TNXB: variants seen among roughly 807,000 people sequenced by gnomAD.
TNXB encodes the protein tenascin XB, also known as tenascin-X.
Under a neutral mutation model 340.5 loss-of-function variants are expected in TNXB, and 183 were observed. That is an observed-to-expected ratio of 0.54 (90% CI 0.48 to 0.61). The LOEUF (loss-of-function observed/expected upper bound fraction) is 0.61. Ranked by LOEUF, TNXB falls within the 20% of genes least tolerant of loss-of-function variation. The pLI, the probability that TNXB is intolerant of heterozygous loss-of-function variation, is 0.00. For synonymous variants in TNXB, 2,121 were observed against 2,314.5 expected, an observed-to-expected ratio of 0.92 and a Z score of 2.40; for missense variants, 4,613 against 5,446.4, an observed-to-expected ratio of 0.85 and a Z score of 4.82.
Position 32,049,668 on chromosome 6 carries a change from A to G in TNXB, c.9440-81T>C, listed in dbSNP as rs1342528903. 2 of 1,475,884 alleles carry G rather than the reference A, an allele frequency of 1.4e-6. No individual in the cohort carries two copies. The highest frequency in any genetic ancestry group is 1.8e-6 in the Non-Finnish European group (2 of 1,093,800). 91.4% of individuals were successfully genotyped at this position (1,475,884 alleles called of 1,614,324 possible). A position where few individuals can be genotyped will look rare whatever the true frequency, so the allele number is the denominator to read the frequency against. On this transcript the variant is annotated intron_variant, in intron 27 of 43. Transcript: ENST00000644971. This position sits in a 1 kb window ranked among gnomAD's most constrained non-coding sequence, Gnocchi z 4.5. ...AAAGGAGGGAGAAGCCAAGGCTATG[A>G]CTGGGGGACCTGAGGTCATTTCAGA...
intron 4 of TNXB, 53 bp downstream of exon 4, chr6:32,095,023 G>T: frequency 1.4e-6 from 2 of 1,435,152 alleles, no homozygotes; most frequent in Non-Finnish European, 1.9e-6. Flanking sequence ...GGTGAGCCCT[G>T]CCCCCCTGTC....
Position 32,088,920 on chromosome 6 carries a change from C to G in TNXB, c.2644G>C (p.Val882Leu). The G allele has an allele frequency of 1.9e-6, 3 of 1,601,050 alleles. No homozygotes were observed. The highest frequency in any genetic ancestry group is 2.6e-6 in the Non-Finnish European group (3 of 1,174,140). ...GCTTCAGGGGGCACTTCCAGCCTCACCCTCTGGTTGCCGGCACTGACGTAG... is the reference window on the plus strand; with the variant it reads ...GCTTCAGGGGGCACTTCCAGCCTCAGCCTCTGGTTGCCGGCACTGACGTAG... The part of the protein sequence containing the change: ...VSYVSAGNQR[V>L]RLEVPPEADG... The change falls in exon 6 of 44, where the codon GTG becomes CTG. Residue 882 changes from valine (V) to leucine (L), a missense_variant. This residue lies in a region of TNXB where 4,327 missense variants were observed against 4,859.4 expected (regional missense o/e 0.89). Transcript: ENST00000644971.
At position 32,052,473 on chromosome 6, in the gene TNXB, G is replaced by GA. The variant is rs772607059; in HGVS notation, c.9115+196dup. Among the ~76,000 whole-genome samples, 40 of 151,460 alleles carry GA rather than the reference G, an allele frequency of 2.6e-4. No individual in the cohort carries two copies. The highest frequency in any genetic ancestry group is 5.3e-4 in the Non-Finnish European group (36 of 67,834). On this transcript the variant is annotated intron_variant, in intron 26 of 43. Transcript: ENST00000644971. This position sits in a 1 kb window ranked among gnomAD's most constrained non-coding sequence, Gnocchi z 4.7. ...CTCAAAAAAAAAAAAAAGAAAGAAA[G>GA]AAAAAGAAAGAAATGCATGGTCTCT...
intron 29 of TNXB, 93 bp downstream of exon 29, chr6:32,048,270 G>T: frequency 7.4e-7 from 1 of 1,342,662 alleles, no homozygotes; most frequent in Non-Finnish European, 1.0e-6. Flanking sequence ...TGGGTGCTGA[G>T]GACTGGAGTG....
rs571092447 is a variant in TNXB, at chr6:32,086,152, T to C, written c.2780-34A>G. ...GGGCAGGGTGAGAAAAAGAGGAGAG[T>C]CCAGTATGAGAACTAGAAAGGAATC... On this transcript the variant is annotated intron_variant, in intron 6 of 43. Transcript: ENST00000644971. The C allele has an allele frequency of 9.6e-6, 14 of 1,454,460 alleles. No homozygotes were observed. In the East Asian group the frequency reaches 2.8e-4, roughly 29 times the overall value. 90.1% of individuals were successfully genotyped at this position (1,454,460 alleles called of 1,614,324 possible). A position where few individuals can be genotyped will look rare whatever the true frequency, so the allele number is the denominator to read the frequency against.
At position 32,096,509 on chromosome 6, in the gene TNXB, G is replaced by C. The variant is rs1243714925; in HGVS notation, c.1344C>G (p.Gly448=). ...TGTAGCCCGCATTGCAAACACACAC[G>C]CCGTTCTCGCAGCGCCCGCGACCTC... is the stretch of plus-strand genomic sequence containing the variant. ...DCRGRGRCEN[G]VCVCNAGYSG... Residue 448 remains glycine (G), a synonymous_variant, in exon 3 of 44, where the codon GGC becomes GGG. Coordinates refer to ENST00000644971, the MANE Select transcript of TNXB (RefSeq NM_001365276.2). The C allele has an allele frequency of 3.1e-6, 5 of 1,599,998 alleles. No individual in the cohort carries two copies. In the Admixed American group the frequency reaches 6.7e-5, roughly 21 times the overall value.
chr6:32,070,564 G>A lies in TNXB; in HGVS notation c.4991-150C>T. On this transcript the variant is annotated intron_variant, in intron 13 of 43. Coordinates refer to ENST00000644971, the MANE Select transcript of TNXB (RefSeq NM_001365276.2). This position sits in a 1 kb window ranked among gnomAD's most constrained non-coding sequence, Gnocchi z 6.0. ...CCCATCCTCACCACCATCTCCGTCT[G>A]GTCCATGCCTCTCTCCCCTTGACCC... 1.1e-6 allele frequency: 1 copy of A among 909,378 alleles called. No individual in the cohort carries two copies. The highest frequency in any genetic ancestry group is 2.1e-5 in the South Asian group (1 of 46,898). The allele number at this position is 909,378 out of a possible 1,614,324, so 56.3% of individuals were successfully genotyped here. A position where few individuals can be genotyped will look rare whatever the true frequency, so the allele number is the denominator to read the frequency against.
intron 4 of TNXB, among the ~76,000 whole-genome samples, chr6:32,092,505 T>C (rs923683577): frequency 6.6e-6 from 1 of 151,876 alleles, no homozygotes; most frequent in African/African-American, 2.4e-5. Context: ...CAGACAGCTA[T>C]TGAATATACT....
rs2239688 is a variant in TNXB at position 32,086,435 on chromosome 6, C to A, written c.2780-317G>T. On this transcript the variant is annotated intron_variant, in intron 6 of 43. Coordinates refer to ENST00000644971, the MANE Select transcript of TNXB (RefSeq NM_001365276.2). ...ATGTCCCTCCCCACATACATCCCCC[C>A]CACTGGGTGGTGGTCAGGTGGCTTC... 2.6e-5 allele frequency among the ~76,000 whole-genome samples: 4 copies of A among 152,316 alleles called. No homozygotes were observed. The South Asian group carries it at 6.2e-4, about 24-fold the overall frequency.
At chr6:32,101,027 G>C (rs1439662776) in intron 1 of TNXB, among the ~76,000 whole-genome samples, 1 of 127,582 alleles carries the variant, frequency 7.8e-6, no homozygotes, top group Non-Finnish European at 1.6e-5. Flanking sequence ...GCAGTGAGCT[G>C]AGATCATGCC....
Position 32,079,034 on chromosome 6 carries a change from T to C in TNXB, c.4374A>G (p.Thr1458=). 1 of 1,611,184 alleles carries C rather than the reference T, an allele frequency of 6.2e-7. No homozygotes were observed. The highest frequency in any genetic ancestry group is 8.5e-7 in the Non-Finnish European group (1 of 1,178,952). The change falls in exon 11 of 44, where the codon ACA becomes ACG. Residue 1458 remains threonine (T), a splice_region_variant and synonymous_variant. Coordinates refer to ENST00000644971, the MANE Select transcript of TNXB (RefSeq NM_001365276.2). This position sits in a 1 kb window ranked among gnomAD's most constrained non-coding sequence, Gnocchi z 7.1. ...AGCAGGCCCCTGCCCCTCACTCACC[T>C]GTCACGCCCACGGCGGACACCGGGC... ...RVGPVSAVGV[T]APQQEETPPA... is the part of the protein sequence containing the mutation.
chr6:32,107,029 C>T (rs1781019378), intron 1 of TNXB, among the ~76,000 whole-genome samples: 1 of 152,250 alleles, frequency 6.6e-6, no homozygotes, highest in Admixed American at 6.5e-5. Flanking sequence ...AGGTTTCCTC[C>T]ACACCTAGTC....
rs777192122 is a variant in TNXB at position 32,056,836 on chromosome 6, C to G, written c.7893G>C (p.Leu2631=). ...MTPEPPIKPR[L]GELTMTDATP... The stretch of plus-strand genomic sequence containing the variant: ...TGGCATCTGTCATGGTCAGCTCCCC[C>G]AGGCGAGGCTTGATGGGGGGCTCAG... The change falls in exon 23 of 44, where the codon CTG becomes CTC. Residue 2631 remains leucine, a synonymous_variant. Coordinates refer to ENST00000644971, the MANE Select transcript of TNXB (RefSeq NM_001365276.2). 6 of 1,612,996 alleles carry G rather than the reference C, an allele frequency of 3.7e-6. No individual in the cohort carries two copies. The highest frequency in any genetic ancestry group is 2.2e-5 in the South Asian group (2 of 91,080).
chr6:32,098,562 C>T (rs2127295290), intron 1 of TNXB, among the ~76,000 whole-genome samples: 1 of 152,278 alleles, frequency 6.6e-6, no homozygotes, highest in Middle Eastern at 3.4e-3. Flanking sequence ...CTCACCACAA[C>T]CTCCGCCTCC....
Position 32,090,609 on chromosome 6 carries a change from T to G in TNXB, c.2359-1230A>C, listed in dbSNP as rs764667000. Reference sequence around the variant, plus strand: ...CAAGAGAACTGTGGGGAAATCAACATAGTAAATACCGAAGTATAAAACCAG... The same window carrying G: ...CAAGAGAACTGTGGGGAAATCAACAGAGTAAATACCGAAGTATAAAACCAG... On this transcript the variant is annotated intron_variant, in intron 4 of 43. Transcript: ENST00000644971. This position sits in a 1 kb window ranked among gnomAD's most constrained non-coding sequence, Gnocchi z 4.3. 2.0e-5 allele frequency among the ~76,000 whole-genome samples: 3 copies of G among 152,172 alleles called. No individual in the cohort carries two copies. Among genetic ancestry groups the G allele is most frequent in the Non-Finnish European group, 2.9e-5 (2 of 68,020 alleles).
chr6:32,081,182 G>A lies in TNXB; in HGVS notation c.4042+186C>T, dbSNP rs942622737. Among the ~76,000 whole-genome samples, 5 of 152,138 alleles carry A rather than the reference G, an allele frequency of 3.3e-5. No individual in the cohort carries two copies. The highest frequency in any genetic ancestry group is 9.7e-5 in the African/African-American group (4 of 41,436). On this transcript the variant is annotated intron_variant, in intron 10 of 43. Transcript: ENST00000644971. This position sits in a 1 kb window ranked among gnomAD's most constrained non-coding sequence, Gnocchi z 5.1. ...GTGAGGCTGAGGAAGAGATGAGGAGGTGGAGGCTGGATGAGGGGGACCTGG... is the reference window on the plus strand; with the variant it reads ...GTGAGGCTGAGGAAGAGATGAGGAGATGGAGGCTGGATGAGGGGGACCTGG...
chr6:32,062,380 G>T lies in TNXB; in HGVS notation c.6945C>A (p.Thr2315=). The change falls in exon 20 of 44, where the codon ACC becomes ACA. Residue 2315 remains threonine, a synonymous_variant. Transcript: ENST00000644971. This position sits in a 1 kb window ranked among gnomAD's most constrained non-coding sequence, Gnocchi z 4.3. ...RLEELTVTDA[T]PDSLSLSWTV... ...TCCAGGACAGGCTGAGGGAGTCAGG[G>T]GTCGCATCTGTCACGGTCAGCTCCT... The T allele has an allele frequency of 6.2e-7, 1 of 1,613,418 alleles. No homozygotes were observed. The highest frequency in any genetic ancestry group is 8.5e-7 in the Non-Finnish European group (1 of 1,179,898).
At chr6:32,041,652 G>C in intron 43 of TNXB, 119 bp downstream of exon 43, 1 of 1,138,426 alleles carries the variant, frequency 8.8e-7, no homozygotes, top group Non-Finnish European at 1.3e-6. Context: ...CTGCGAGGCT[G>C]GCATGATTGT....
At position 32,050,099 on chromosome 6, in the gene TNXB, A is replaced by G. The variant is rs780635452; in HGVS notation, c.9338T>C (p.Val3113Ala). Residue 3113 changes from valine (V) to alanine (A), a missense_variant, in exon 27 of 44, where the codon GTC becomes GCC. By Grantham distance (64) the Val-to-Ala change is moderately conservative (BLOSUM62 0). Around this residue, in one of 7 missense-constraint regions of TNXB, gnomAD observed 4,327 missense variants for 4,859.4 expected, o/e 0.89. Coordinates refer to ENST00000644971, the MANE Select transcript of TNXB (RefSeq NM_001365276.2). ...AVRVPGHEDGVTISGLEPDHK... is the reference protein window; with the variant it reads ...AVRVPGHEDGATISGLEPDHK... Reference sequence around the variant, plus strand: ...GTCTGGCTCCAGGCCTGAGATGGTGACCCCGTCCTCGTGCCCCGGCACCCG... The same window carrying G: ...GTCTGGCTCCAGGCCTGAGATGGTGGCCCCGTCCTCGTGCCCCGGCACCCG... The G allele has an allele frequency of 1.2e-6, 2 of 1,613,320 alleles. No individual in the cohort carries two copies. The highest frequency in any genetic ancestry group is 1.7e-6 in the Non-Finnish European group (2 of 1,179,804).
Sources: allele counts gnomAD v4.1 joint callset (sites outside exome capture counted in the v4.1 genomes callset), GRCh38; gene constraint gnomAD v4.1.1; regional missense constraint gnomAD v4.1.1; non-coding constraint Gnocchi (gnomAD v3.1); transcripts MANE v1.5; gene names NCBI Gene and HGNC (gene_info 2026-07-23, HGNC 2026-07-21).